KCNG4: variants seen among roughly 807,000 people sequenced by gnomAD.
KCNG4 encodes the protein potassium voltage-gated channel modifier subfamily G member 4.
In KCNG4, 30 loss-of-function variants were observed where a neutral mutation model predicts 28.2. The observed-to-expected ratio is 1.06, with a 90% CI of 0.80 to 1.44. KCNG4 has a LOEUF of 1.44. Ranked by LOEUF, KCNG4 falls within the 40% of genes most tolerant of loss-of-function variation. KCNG4 has a pLI of 0.00. For synonymous variants in KCNG4, 375 were observed against 315.5 expected, an observed-to-expected ratio of 1.19 and a Z score of -2.00; for missense variants, 879 against 712.3, an observed-to-expected ratio of 1.23 and a Z score of -2.66.
chr16:84,230,820 G>T (rs753502627), intron 2 of KCNG4, among the ~76,000 whole-genome samples: 1 of 152,252 alleles, frequency 6.6e-6, no homozygotes, highest in Non-Finnish European at 1.5e-5. Flanking sequence ...TGTGGGGCAG[G>T]CGTAGCACCC....
chr16:84,236,876 TG>T lies in KCNG4; in HGVS notation c.609del (p.Cys203Ter). 1 of 1,613,576 alleles carries T rather than the reference TG, an allele frequency of 6.2e-7. No individual in the cohort carries two copies. The highest frequency in any genetic ancestry group is 8.5e-7 in the Non-Finnish European group (1 of 1,180,014). The stretch of plus-strand genomic sequence containing the variant: ...TCCACCATCTCGCGCAGCCGGTTCA[TG>T]CACAGGCCCCAGCGCGAGGAGTGCG... ...PASHSSRWGL[C>X]MNRLREMVEN... On this transcript the variant is annotated frameshift_variant, in exon 2 of 3. Transcript: ENST00000308251. LOFTEE classifies it high-confidence loss of function.
chr16:84,238,464 G>C (rs141286642), intron 1 of KCNG4, among the ~76,000 whole-genome samples: 32 of 152,316 alleles, frequency 2.1e-4, no homozygotes, highest in Admixed American at 1.4e-3. Flanking sequence ...GGAGCATTGC[G>C]TACTTGCAAT....
chr16:84,232,224 C>T (rs928781310), intron 2 of KCNG4, among the ~76,000 whole-genome samples: 16 of 152,116 alleles, frequency 1.1e-4, no homozygotes, highest in Admixed American at 4.6e-4. Context: ...GTGGCATATA[C>T]ATACAGTGGA....
intron 2 of KCNG4, among the ~76,000 whole-genome samples, chr16:84,233,432 G>A (rs896725733): frequency 3.9e-5 from 6 of 152,242 alleles, no homozygotes; most frequent in Non-Finnish European, 8.8e-5. Flanking sequence ...GCTGGGCACG[G>A]TGGTTCATGC....
chr16:84,229,204 A>G (rs1365343742), intron 2 of KCNG4, among the ~76,000 whole-genome samples: 2 of 151,910 alleles, frequency 1.3e-5, no homozygotes, highest in Non-Finnish European at 2.9e-5. Context: ...AGGCTGAGGC[A>G]TGAGAATCAC....
chr16:84,230,077 G>A lies in KCNG4; in HGVS notation c.756+6653C>T, dbSNP rs116732262. Among the ~76,000 whole-genome samples the A allele has an allele frequency of 7.1e-3, 1,078 of 152,134 alleles. 13 individuals are homozygous for A. Among genetic ancestry groups the A allele is most frequent in the African/African-American group, 0.024 (983 of 41,512 alleles). ...AAAAGGTGAGCTGCATCCCGGGGAG[G>A]AGGCCCCAAGAGTCCCGCCTGGTCT... On this transcript the variant is annotated intron_variant, in intron 2 of 2. Coordinates refer to ENST00000308251, the MANE Select transcript of KCNG4 (RefSeq NM_172347.3).
At chr16:84,233,795 A>G (rs1567626552) in intron 2 of KCNG4, among the ~76,000 whole-genome samples, 1 of 152,178 alleles carries the variant, frequency 6.6e-6, no homozygotes, top group Admixed American at 6.5e-5. Context: ...AAAACAAAAG[A>G]AAAGGAAAGG....
In KCNG4 at chr16:84,237,293, C is replaced by A; in HGVS notation, c.193G>T (p.Val65Leu). 1 of 1,602,890 alleles carries A rather than the reference C, an allele frequency of 6.2e-7. No individual in the cohort carries two copies. The highest frequency in any genetic ancestry group is 8.5e-7 in the Non-Finnish European group (1 of 1,173,366). ...VDLKKEILIN[V>L]GGRRYLLPWS... Reference sequence around the variant, plus strand: ...GGGAGGAGATACCTCCTGCCCCCCACGTTGATCAGGATCTCCTTCTTCAGG... The same window carrying A: ...GGGAGGAGATACCTCCTGCCCCCCAAGTTGATCAGGATCTCCTTCTTCAGG... Residue 65 changes from valine to leucine, a missense_variant, in exon 2 of 3, where the codon GTG becomes TTG. Physicochemically the swap from Val to Leu is conservative, Grantham distance 32 (BLOSUM62 1). Coordinates refer to ENST00000308251, the MANE Select transcript of KCNG4 (RefSeq NM_172347.3).
In KCNG4 at chr16:84,229,959, C is replaced by T. The variant is rs950563755; in HGVS notation, c.756+6771G>A. Among the ~76,000 whole-genome samples, 9 of 152,262 alleles carry T rather than the reference C, an allele frequency of 5.9e-5. No homozygotes were observed. In the East Asian group the frequency reaches 1.7e-3, roughly 29 times the overall value. ...GTTTTTTAGGAAGCTGATTCATGGT[C>T]CGAGAAAGGGACAGATGAGGAGGCA... On this transcript the variant is annotated intron_variant, in intron 2 of 2. Transcript: ENST00000308251.
chr16:84,225,157 C>T (rs541271119), intron 2 of KCNG4, among the ~76,000 whole-genome samples: 3 of 152,192 alleles, frequency 2.0e-5, no homozygotes, highest in South Asian at 2.1e-4. Flanking sequence ...GTAGCAATAC[C>T]TTCTTCCTGT....
At chr16:84,235,209 CT>C (rs1904918620) in intron 2 of KCNG4, among the ~76,000 whole-genome samples, 1 of 152,194 alleles carries the variant, frequency 6.6e-6, no homozygotes, top group Non-Finnish European at 1.5e-5. Flanking sequence ...TCTTGGCCGT[CT>C]GCGCAACCGA....
intron 2 of KCNG4, among the ~76,000 whole-genome samples, chr16:84,224,402 T>TTACACACACACACACACA (rs1428040277): frequency 2.2e-3 from 84 of 38,458 alleles, no homozygotes; most frequent in Middle Eastern, 0.01. Context: ...CTATACATAT[T>TTACACACACACACACACA]TACACACACA....
intron 2 of KCNG4, among the ~76,000 whole-genome samples, chr16:84,228,713 G>A (rs1357756355): frequency 6.6e-6 from 1 of 152,218 alleles, no homozygotes. Flanking sequence ...CCCACCATGG[G>A]ACCTGGCCGA....
chr16:84,231,634 C>T (rs1271003233), intron 2 of KCNG4, among the ~76,000 whole-genome samples: 1 of 152,094 alleles, frequency 6.6e-6, no homozygotes, highest in Non-Finnish European at 1.5e-5. Flanking sequence ...ATGACAAGTC[C>T]AGACCATCAT....
At chr16:84,230,498 G>T (rs1182144144) in intron 2 of KCNG4, among the ~76,000 whole-genome samples, 1 of 151,734 alleles carries the variant, frequency 6.6e-6, no homozygotes, top group East Asian at 1.9e-4. Context: ...CGTGAACCCG[G>T]GGGGCAGAGC....
Position 84,221,848 on chromosome 16 carries a change from T to C in KCNG4, c.*369A>G, listed in dbSNP as rs1267261668. The C allele has an allele frequency of 4.3e-6, 1 of 234,462 alleles. No individual in the cohort carries two copies. Among genetic ancestry groups the C allele is most frequent in the African/African-American group, 2.3e-5 (1 of 43,304 alleles). The allele number at this position is 234,462 out of a possible 1,614,324, so 14.5% of individuals were successfully genotyped here. ...AGGGAAATCATGAAATTACATAGGC[T>C]CAGTATGCAAATACCAATGGTTACC... is the stretch of plus-strand genomic sequence containing the variant. On this transcript the variant is annotated 3_prime_UTR_variant, in exon 3 of 3. Transcript: ENST00000308251.
In KCNG4 at chr16:84,221,183, G is replaced by A. The variant is rs929209946; in HGVS notation, c.*1034C>T. On this transcript the variant is annotated 3_prime_UTR_variant, in exon 3 of 3. Transcript: ENST00000308251. Reference sequence around the variant, plus strand: ...ATACATTGAAATGTGAGCTAAGAATGTCTATCCTCCAGCATGGAGATGACT... The same window carrying A: ...ATACATTGAAATGTGAGCTAAGAATATCTATCCTCCAGCATGGAGATGACT... The A allele has an allele frequency of 6.6e-6, 1 of 152,252 alleles. No homozygotes were observed. Among genetic ancestry groups the A allele is most frequent in the African/African-American group, 2.4e-5 (1 of 41,450 alleles). The allele number at this position is 152,252 out of a possible 1,614,324, so 9.4% of individuals were successfully genotyped here. A position where few individuals can be genotyped will look rare whatever the true frequency, so the allele number is the denominator to read the frequency against.
Position 84,222,401 on chromosome 16 carries a change from T to A in KCNG4, c.1376A>T (p.His459Leu), listed in dbSNP as rs775897904. 3.1e-6 allele frequency: 5 copies of A among 1,612,468 alleles called. No individual in the cohort carries two copies. The highest frequency in any genetic ancestry group is 1.7e-5 in the Admixed American group (1 of 59,850). The part of the protein sequence containing the change: ...PATSIFHTFS[H>L]SYLELKKEQE... ...CTCCTTCTTGAGCTCCAGGTAGGAGTGGGAGAAGGTGTGGAAGATAGACGT... is the reference window on the plus strand; with the variant it reads ...CTCCTTCTTGAGCTCCAGGTAGGAGAGGGAGAAGGTGTGGAAGATAGACGT... The change falls in exon 3 of 3, where the codon CAC (histidine) becomes CTC (leucine). Residue 459 changes from histidine to leucine, a missense_variant. His to Leu is a moderately conservative substitution (Grantham distance 99). Coordinates refer to ENST00000308251, the MANE Select transcript of KCNG4 (RefSeq NM_172347.3).
intron 2 of KCNG4, among the ~76,000 whole-genome samples, chr16:84,227,734 C>G (rs1461611764): frequency 6.6e-6 from 1 of 152,148 alleles, no homozygotes. Context: ...GAATAGTAGT[C>G]AGCCATGAAA....
Sources: gnomAD v4.1 joint callset for allele counts (sites outside exome capture counted in the v4.1 genomes callset) on GRCh38, gnomAD v4.1.1 for gene constraint, MANE v1.5 for transcripts, NCBI Gene and HGNC (gene_info 2026-07-23, HGNC 2026-07-21) for gene names.